Variants in SLC25A26 observed in about 807,000 individuals in gnomAD.
SLC25A26 encodes the protein solute carrier family 25 member 26.
In SLC25A26, 36 loss-of-function variants were observed where a neutral mutation model predicts 37.8. The observed-to-expected ratio is 0.95, with a 90% CI of 0.73 to 1.26. The LOEUF is 1.26. Among genes scored for constraint, SLC25A26 ranks in the 50% most tolerant of loss-of-function variants. SLC25A26 has a pLI of 0.00. For synonymous variants in SLC25A26, 129 were observed against 122.5 expected (o/e 1.05, Z -0.35); for missense variants, 390 against 331.1 (o/e 1.18, Z -1.38).
intron 6 of SLC25A26, among the ~76,000 whole-genome samples, chr3:66,350,907 C>T (rs2107758646): frequency 6.6e-6 from 1 of 152,178 alleles, no homozygotes; most frequent in East Asian, 1.9e-4. Flanking sequence ...TGCTTGAAGT[C>T]TTCTAATGAA....
chr3:66,181,638 G>A (rs1267320920), intron 1 of SLC25A26, among the ~76,000 whole-genome samples: 3 of 152,116 alleles, frequency 2.0e-5, no homozygotes, highest in African/African-American at 7.2e-5. Context: ...ATTCAGAGAG[G>A]AAAGGAACTT....
chr3:66,166,996 A>G (rs2070433814), intron 1 of SLC25A26, among the ~76,000 whole-genome samples: 1 of 152,152 alleles, frequency 6.6e-6, no homozygotes, highest in Non-Finnish European at 1.5e-5. Context: ...GAGTTTCCCT[A>G]CACAGGTTCT....
At chr3:66,287,030 C>T (rs2074536427) in intron 5 of SLC25A26, among the ~76,000 whole-genome samples, 1 of 152,100 alleles carries the variant, frequency 6.6e-6, no homozygotes, top group South Asian at 2.1e-4. Context: ...GGTGCGGTGG[C>T]TCACGCCTGC....
chr3:66,265,850 A>G (rs1456059751), intron 5 of SLC25A26, among the ~76,000 whole-genome samples: 3 of 152,224 alleles, frequency 2.0e-5, no homozygotes, highest in Admixed American at 6.5e-5. Flanking sequence ...CTCACTAAAC[A>G]TGTGTTCCTT....
chr3:66,171,986 A>G (rs140187090), intron 1 of SLC25A26, among the ~76,000 whole-genome samples: 53,611 of 151,792 alleles, frequency 0.35, 9,641 homozygotes, highest in Non-Finnish European at 0.38. Context: ...AGCTCCCTCA[A>G]CCTTTCCTAG....
chr3:66,362,861 C>T lies in SLC25A26; in HGVS notation c.500C>T (p.Ala167Val). ...ATTTTTCTTTCTCCTTAAACACAGGCCCTCTGGTCCTGGAGGCAGGATCAT... is the reference window on the plus strand; with the variant it reads ...ATTTTTCTTTCTCCTTAAACACAGGTCCTCTGGTCCTGGAGGCAGGATCAT... ...VQFPLWESLK[A>V]LWSWRQDHVV... The change falls in exon 7 of 10, where the codon GCC (alanine) becomes GTC (valine). Residue 167 changes from alanine to valine, a missense_variant and splice_region_variant. Coordinates refer to ENST00000354883, the MANE Select transcript of SLC25A26 (RefSeq NM_001379210.1). 1.9e-6 allele frequency: 3 copies of T among 1,594,766 alleles called. No homozygotes were observed. The highest frequency in any genetic ancestry group is 1.3e-5 in the African/African-American group (1 of 74,214).
chr3:66,156,368 G>T (rs916171978), intron 1 of SLC25A26, among the ~76,000 whole-genome samples: 2 of 152,114 alleles, frequency 1.3e-5, no homozygotes, highest in African/African-American at 4.8e-5. Flanking sequence ...CAACAAACAA[G>T]TATATGAGCA....
chr3:66,378,211 G>A lies in SLC25A26; in HGVS notation c.*404G>A, dbSNP rs1347511148. ...TAGCTTGTTTGTTTGTTTGGGAAAA[G>A]GAGACTTGGGGAAGAGTTGTGTATG... is the stretch of plus-strand genomic sequence containing the variant. On this transcript the variant is annotated 3_prime_UTR_variant, in exon 10 of 10. Transcript: ENST00000354883. 2 of 153,858 alleles carry A rather than the reference G, an allele frequency of 1.3e-5. No individual in the cohort carries two copies. Among genetic ancestry groups the A allele is most frequent in the Non-Finnish European group, 2.9e-5 (2 of 69,590 alleles). 9.5% of individuals were successfully genotyped at this position (153,858 alleles called of 1,614,324 possible).
intron 1 of SLC25A26, among the ~76,000 whole-genome samples, chr3:66,196,305 C>T (rs2071043194): frequency 2.0e-5 from 3 of 152,338 alleles, no homozygotes; most frequent in African/African-American, 4.8e-5. Context: ...AGCTTCTGTG[C>T]GTATCTATGC....
intron 5 of SLC25A26, among the ~76,000 whole-genome samples, chr3:66,315,062 T>C (rs575525894): frequency 7.5e-4 from 113 of 149,766 alleles, no homozygotes; most frequent in African/African-American, 2.7e-3. Flanking sequence ...TTTTAAAAAC[T>C]AGCTCCTGGA....
chr3:66,291,385 T>A (rs1332643695), intron 5 of SLC25A26, among the ~76,000 whole-genome samples: 1 of 152,188 alleles, frequency 6.6e-6, no homozygotes, highest in Non-Finnish European at 1.5e-5. Flanking sequence ...GTTCTTTTAA[T>A]TGTGATGTTA....
At chr3:66,291,289 GT>G (rs1484940072) in intron 5 of SLC25A26, among the ~76,000 whole-genome samples, 3 of 151,934 alleles carry the variant, frequency 2.0e-5, no homozygotes, top group Non-Finnish European at 4.4e-5. Context: ...TTTTTGGGGG[GT>G]TTTTTTGTGT....
chr3:66,307,849 A>T (rs2075270848), intron 5 of SLC25A26, among the ~76,000 whole-genome samples: 1 of 151,960 alleles, frequency 6.6e-6, no homozygotes. Context: ...GTTCTGTTCC[A>T]TTGGTTTATG....
chr3:66,234,011 G>A (rs540374449), intron 1 of SLC25A26, among the ~76,000 whole-genome samples: 8 of 152,112 alleles, frequency 5.3e-5, no homozygotes, highest in African/African-American at 1.2e-4. Context: ...TAATCTAGTC[G>A]CACGAGACAT....
At chr3:66,240,720 T>G (rs36137459) in intron 2 of SLC25A26, among the ~76,000 whole-genome samples, 43,338 of 150,284 alleles carry the variant, frequency 0.29, 7,656 homozygotes, top group African/African-American at 0.5. Flanking sequence ...ATTTTATGTA[T>G]TCATGACAGG....
At chr3:66,315,005 C>A (rs1066936) in intron 5 of SLC25A26, among the ~76,000 whole-genome samples, 20 of 146,796 alleles carry the variant, frequency 1.4e-4, no homozygotes, top group African/African-American at 4.7e-4. Context: ...CTATTTGATT[C>A]TTTTCTTCTT....
intron 1 of SLC25A26, among the ~76,000 whole-genome samples, chr3:66,151,454 A>G (rs1179726898): frequency 6.6e-6 from 1 of 152,198 alleles, no homozygotes; most frequent in Non-Finnish European, 1.5e-5. Flanking sequence ...TAAATGCATC[A>G]CTTGCTTTCT....
intron 1 of SLC25A26, among the ~76,000 whole-genome samples, chr3:66,175,558 A>G (rs940981324): frequency 6.6e-6 from 1 of 152,138 alleles, no homozygotes; most frequent in South Asian, 2.1e-4. Context: ...GGCACATGTG[A>G]TTATGGAAAT....
At chr3:66,328,910 C>A (rs1409132693) in intron 5 of SLC25A26, among the ~76,000 whole-genome samples, 1 of 152,078 alleles carries the variant, frequency 6.6e-6, no homozygotes, top group Non-Finnish European at 1.5e-5. Context: ...AGGTGATTTA[C>A]AGTATTATTT....
Sources: allele counts gnomAD v4.1 joint callset (sites outside exome capture counted in the v4.1 genomes callset), GRCh38; gene constraint gnomAD v4.1.1; transcripts MANE v1.5; gene names NCBI Gene and HGNC (gene_info 2026-07-23, HGNC 2026-07-21).